The following CCDC181 variants were observed in gnomAD, a reference collection of about 807,000 sequenced individuals.
The protein encoded by CCDC181 is coiled-coil domain-containing protein 181.
CCDC181 carries 35 observed loss-of-function variants against 58.7 expected under a neutral mutation model. The ratio of observed to expected loss-of-function variants is 0.60; its 90% CI spans 0.46 to 0.79. The LOEUF (loss-of-function observed/expected upper bound fraction) is 0.79, where lower values mean the gene tolerates loss of function less well. CCDC181 is among the 30% of genes least tolerant of loss of function. The pLI is 0.00. For missense variants in CCDC181, 517 were observed against 583.9 expected, an observed-to-expected ratio of 0.89 and a Z score of 1.18; for synonymous variants, 183 against 197.5, an observed-to-expected ratio of 0.93 and a Z score of 0.62.
rs545286435 is a variant in CCDC181 at position 169,442,142 on chromosome 1, G to A, written c.-23-17192C>T. 2.6e-5 allele frequency among the ~76,000 whole-genome samples: 4 copies of A among 152,058 alleles called. No individual in the cohort carries two copies. The South Asian group carries it at 8.3e-4, about 32-fold the overall frequency. Reference sequence around the variant, plus strand: ...TGAGTGCCAGGAATTGAGAACATGTGACCATGCACATCTCCTATAAAACTG... The same window carrying A: ...TGAGTGCCAGGAATTGAGAACATGTAACCATGCACATCTCCTATAAAACTG... On this transcript the variant is annotated intron_variant, in intron 2 of 6. Transcript: ENST00000545005.
chr1:169,407,880 G>A (rs1655753236), intron 4 of CCDC181, among the ~76,000 whole-genome samples: 1 of 152,172 alleles, frequency 6.6e-6, no homozygotes, highest in African/African-American at 2.4e-5. Context: ...TGTGCTACGA[G>A]GAACTGTGCA....
At position 169,421,423 on chromosome 1, in the gene CCDC181, G is replaced by A; in HGVS notation, c.1008C>T (p.Ser336=). 2 of 1,613,652 alleles carry A rather than the reference G, an allele frequency of 1.2e-6. No homozygotes were observed. Among genetic ancestry groups the A allele is most frequent in the Non-Finnish European group, 1.7e-6 (2 of 1,179,946 alleles). ...GTTTTTGTAGTTCTTTCTGTCGAGG[G>A]GAAAGACAGTATGTTGAAGTCACTG... is the stretch of plus-strand genomic sequence containing the variant. ...ISPVTSTYCL[S]PRQKELQKQL... is the part of the protein sequence containing the mutation. The change falls in exon 3 of 6, where the codon TCC becomes TCT. Residue 336 remains serine, a synonymous_variant. Coordinates refer to ENST00000367806, the MANE Select transcript of CCDC181 (RefSeq NM_001300969.2).
Position 169,397,258 on chromosome 1 carries a change from C to T in CCDC181, c.1349G>A (p.Gly450Asp), listed in dbSNP as rs1343737041. 1 of 1,601,768 alleles carries T rather than the reference C, an allele frequency of 6.2e-7. No homozygotes were observed. The highest frequency in any genetic ancestry group is 2.3e-5 in the East Asian group (1 of 44,400). Reference protein sequence around the residue: ...ECLFFLKGTEGRERAFKQWLR... With the variant: ...ECLFFLKGTEDRERAFKQWLR... ...TTACTGTTTAAAGGCCCTTTCCCGG[C>T]CTTCTGTTCCTTTAAGGAAGAATAA... The change falls in exon 5 of 6, where the codon GGC (glycine) becomes GAC (aspartate). Residue 450 changes from glycine to aspartate, a missense_variant. Coordinates refer to ENST00000367806, the MANE Select transcript of CCDC181 (RefSeq NM_001300969.2).
intron 5 of CCDC181, among the ~76,000 whole-genome samples, chr1:169,395,538 T>C (rs1654972370): frequency 6.6e-6 from 1 of 152,216 alleles, no homozygotes; most frequent in Non-Finnish European, 1.5e-5. Flanking sequence ...ATTTGGTAGA[T>C]TCCAAATAAC....
intron 2 of CCDC181, among the ~76,000 whole-genome samples, chr1:169,459,175 C>T (rs566704630): frequency 1.3e-5 from 2 of 152,130 alleles, no homozygotes; most frequent in South Asian, 4.2e-4. Context: ...AGAATATTTG[C>T]CAAACACAAA....
intron 2 of CCDC181, among the ~76,000 whole-genome samples, chr1:169,456,356 C>T (rs554903286): frequency 4.6e-5 from 7 of 152,170 alleles, no homozygotes; most frequent in African/African-American, 1.2e-4. Flanking sequence ...CTAAGTACCT[C>T]GCATAAGCCC....
intron 4 of CCDC181, among the ~76,000 whole-genome samples, chr1:169,405,094 A>G (rs1655577145): frequency 6.6e-6 from 1 of 152,212 alleles, no homozygotes; most frequent in Non-Finnish European, 1.5e-5. Flanking sequence ...TAGGAATCCA[A>G]CTTACAAGGG....
At position 169,421,957 on chromosome 1, in the gene CCDC181, T is replaced by C. The variant is rs769229306; in HGVS notation, c.474A>G (p.Leu158=). The change falls in exon 3 of 6, where the codon TTA becomes TTG. Residue 158 remains leucine, a synonymous_variant. Coordinates refer to ENST00000367806, the MANE Select transcript of CCDC181 (RefSeq NM_001300969.2). The stretch of plus-strand genomic sequence containing the variant: ...CTAGTGGAGGAACTTCCAAATCAAC[T>C]AACTGGTCCTTGAACTTAAGTTTTC... ...RERKLKFKDQ[L]VDLEVPPLED... The C allele has an allele frequency of 1.9e-6, 3 of 1,614,018 alleles. No individual in the cohort carries two copies. In the South Asian group the frequency reaches 3.3e-5, roughly 18 times the overall value.
At position 169,416,776 on chromosome 1, in the gene CCDC181, CTTTTAG is replaced by C. The variant is rs548533085; in HGVS notation, c.1215+2231_1215+2236del. On this transcript the variant is annotated intron_variant, in intron 4 of 5. Coordinates refer to ENST00000367806, the MANE Select transcript of CCDC181 (RefSeq NM_001300969.2). ...TCAGTCAAATTTCTCCATATTTCCTCTTTTAGTTTATGTTTTTTCTGCCTTGCCTGT... is the reference window on the plus strand; with the variant it reads ...TCAGTCAAATTTCTCCATATTTCCTCTTTATGTTTTTTCTGCCTTGCCTGT... Among the ~76,000 whole-genome samples, 27 of 152,206 alleles carry C rather than the reference CTTTTAG, an allele frequency of 1.8e-4. 2 individuals are homozygous for C. The South Asian group carries it at 5.4e-3, about 30-fold the overall frequency.
chr1:169,442,092 A>G (rs913414728), intron 2 of CCDC181, among the ~76,000 whole-genome samples: 4 of 152,126 alleles, frequency 2.6e-5, no homozygotes, highest in Non-Finnish European at 4.4e-5. Flanking sequence ...TAATGTAGGT[A>G]ACCAAGAAGA....
At chr1:169,451,367 A>T (rs1657529220) in intron 2 of CCDC181, 1 of 152,144 alleles carries the variant, frequency 6.6e-6, no homozygotes, top group South Asian at 2.1e-4. Flanking sequence ...TGCTTTTAGG[A>T]CCATTGTAAG....
chr1:169,411,762 A>G (rs1655975665), intron 4 of CCDC181, among the ~76,000 whole-genome samples: 1 of 152,250 alleles, frequency 6.6e-6, no homozygotes, highest in Admixed American at 6.5e-5. Flanking sequence ...ATATAAACAG[A>G]AACAATGACA....
upstream of CCDC181, among the ~76,000 whole-genome samples, chr1:169,430,506 C>T (rs1183730226): frequency 6.6e-6 from 1 of 152,084 alleles, no homozygotes; most frequent in Non-Finnish European, 1.5e-5. Flanking sequence ...AGATCTTTCA[C>T]CTCCTTGGTT....
chr1:169,396,471 A>C (rs1655042372), intron 5 of CCDC181: 2 of 152,078 alleles, frequency 1.3e-5, no homozygotes, highest in African/African-American at 4.8e-5. Flanking sequence ...TGGGAAAATC[A>C]CTTGAACCTG....
chr1:169,407,156 C>T (rs752892976), intron 4 of CCDC181, among the ~76,000 whole-genome samples: 1 of 151,326 alleles, frequency 6.6e-6, no homozygotes. Flanking sequence ...TCAGCAAAAC[C>T]CAGGTTAGGT....
chr1:169,441,064 A>G (rs1009902426), intron 2 of CCDC181, among the ~76,000 whole-genome samples: 38 of 152,112 alleles, frequency 2.5e-4, no homozygotes, highest in African/African-American at 9.2e-4. Flanking sequence ...AAAAGTTTCC[A>G]TTAAAACTAA....
intron 4 of CCDC181, among the ~76,000 whole-genome samples, chr1:169,405,954 G>GA (rs1655626219): frequency 1.4e-5 from 2 of 147,888 alleles, no homozygotes; most frequent in African/African-American, 5.0e-5. Flanking sequence ...AAATTTACAA[G>GA]AAAAAAACAA....
chr1:169,413,880 G>A (rs1656096015), intron 4 of CCDC181, among the ~76,000 whole-genome samples: 1 of 151,560 alleles, frequency 6.6e-6, no homozygotes, highest in Admixed American at 6.6e-5. Flanking sequence ...AGGGTGGGGG[G>A]CTAGGGGAGG....
intron 2 of CCDC181, chr1:169,454,365 A>G (rs1657629127): frequency 6.6e-6 from 1 of 152,046 alleles, no homozygotes; most frequent in Non-Finnish European, 1.5e-5. Context: ...CTACTTGCCA[A>G]CTCAAAAAAG....
Sources: allele counts gnomAD v4.1 joint callset (sites outside exome capture counted in the v4.1 genomes callset), GRCh38; gene constraint gnomAD v4.1.1; transcripts MANE v1.5; gene names NCBI Gene and HGNC (gene_info 2026-07-23, HGNC 2026-07-21).